Variants in FAR2 observed in about 807,000 individuals in gnomAD.
The protein encoded by FAR2 is epididymis secretory protein Li 81.
Under a neutral mutation model 56.0 loss-of-function variants are expected in FAR2, and 19 were observed. The ratio of observed to expected loss-of-function variants is 0.34; its 90% CI spans 0.24 to 0.50. The LOEUF is 0.50. Among genes scored for constraint, FAR2 ranks in the 20% least tolerant of loss-of-function variants. The pLI is 0.98. For missense variants in FAR2, 508 were observed against 642.2 expected (o/e 0.79, Z 2.26); for synonymous variants, 219 against 218.8 (o/e 1.00, Z -0.01).
chr12:29,322,028 A>G lies in FAR2; in HGVS notation c.1257+104A>G, dbSNP rs1351007068. 8.3e-6 allele frequency: 11 copies of G among 1,329,228 alleles called. No homozygotes were observed. In the Admixed American group the frequency reaches 2.0e-4, roughly 24 times the overall value. 82.3% of individuals were successfully genotyped at this position (1,329,228 alleles called of 1,614,324 possible). A position where few individuals can be genotyped will look rare whatever the true frequency, so the allele number is the denominator to read the frequency against. On this transcript the variant is annotated intron_variant, in intron 10 of 11. Transcript: ENST00000536681. Reference sequence around the variant, plus strand: ...GAATGAATAAGACGTTTGGTTATAGACACAGATTTTGTTTTGCTTTGTTTT... The same window carrying G: ...GAATGAATAAGACGTTTGGTTATAGGCACAGATTTTGTTTTGCTTTGTTTT...
chr12:29,290,370 C>T (rs1256611601), intron 2 of FAR2, among the ~76,000 whole-genome samples: 2 of 151,430 alleles, frequency 1.3e-5, no homozygotes, highest in African/African-American at 4.9e-5. Context: ...CACTTGAACT[C>T]AGAAGGTGAA....
chr12:29,322,362 C>T (rs1949566187), intron 10 of FAR2, among the ~76,000 whole-genome samples: 1 of 152,188 alleles, frequency 6.6e-6, no homozygotes, highest in African/African-American at 2.4e-5. Flanking sequence ...CTGCCTCTCC[C>T]AGCTACAGTT....
intron 4 of FAR2, among the ~76,000 whole-genome samples, chr12:29,298,493 A>T (rs2136762456): frequency 6.6e-6 from 1 of 152,268 alleles, no homozygotes; most frequent in Non-Finnish European, 1.5e-5. Flanking sequence ...GAGAATAGAT[A>T]TTTTTGTCTG....
chr12:29,275,000 A>G (rs552750411), intron 2 of FAR2, among the ~76,000 whole-genome samples: 1,625 of 146,962 alleles, frequency 0.011, 27 homozygotes, highest in African/African-American at 0.038. Context: ...CTGGGAGATC[A>G]ATCCCGTCCT....
intron 1 of FAR2, among the ~76,000 whole-genome samples, chr12:29,203,926 G>A (rs1947446316): frequency 6.7e-6 from 1 of 148,924 alleles, no homozygotes; most frequent in African/African-American, 2.5e-5. Context: ...CGTGAACCTG[G>A]GAGGCGGAGC....
chr12:29,260,905 C>A (rs1399784541), intron 1 of FAR2, among the ~76,000 whole-genome samples: 1 of 152,200 alleles, frequency 6.6e-6, no homozygotes, highest in African/African-American at 2.4e-5. Context: ...ACCTTCATGA[C>A]TGTGCAACAG....
chr12:29,203,868 C>T (rs1221618563), intron 1 of FAR2, among the ~76,000 whole-genome samples: 9 of 151,500 alleles, frequency 5.9e-5, no homozygotes, highest in Non-Finnish European at 7.4e-5. Flanking sequence ...GGCGTGGTGG[C>T]GGGCGCCTGT....
chr12:29,169,141 G>A (rs915552452), intron 1 of FAR2, among the ~76,000 whole-genome samples: 6 of 152,162 alleles, frequency 3.9e-5, no homozygotes, highest in Admixed American at 3.9e-4. Flanking sequence ...CTCGACCCAG[G>A]AAGTCCAGCT....
chr12:29,178,670 GTAAGGCCCA>G (rs1354515323), intron 1 of FAR2, among the ~76,000 whole-genome samples: 1 of 152,170 alleles, frequency 6.6e-6, no homozygotes, highest in Non-Finnish European at 1.5e-5. Context: ...TTCTAATATG[GTAAGGCCCA>G]TGTTCTTTGA....
chr12:29,165,862 A>T (rs1949821788), intron 1 of FAR2, among the ~76,000 whole-genome samples: 1 of 152,224 alleles, frequency 6.6e-6, no homozygotes, highest in African/African-American at 2.4e-5. Context: ...AAGAAAAAAA[A>T]TATAGAACAG....
Position 29,270,397 on chromosome 12 carries a change from T to A in FAR2, c.-38-15T>A. 2.7e-6 allele frequency: 4 copies of A among 1,464,392 alleles called. 1 individual carries two copies. Among genetic ancestry groups the A allele is most frequent in the Admixed American group, 4.4e-5 (2 of 45,814 alleles). 90.7% of individuals were successfully genotyped at this position (1,464,392 alleles called of 1,614,324 possible). Reference sequence around the variant, plus strand: ...TCTGAAGATGTAATCTTTTGTTATTTCTCTTCCTTTTCAGGAACCTCTTTC... The same window carrying A: ...TCTGAAGATGTAATCTTTTGTTATTACTCTTCCTTTTCAGGAACCTCTTTC... On this transcript the variant is annotated splice_polypyrimidine_tract_variant and intron_variant, in intron 1 of 11. Transcript: ENST00000536681.
chr12:29,304,083 G>A (rs1258650815), intron 4 of FAR2, among the ~76,000 whole-genome samples: 1 of 152,114 alleles, frequency 6.6e-6, no homozygotes, highest in Non-Finnish European at 1.5e-5. Context: ...AAACGAGGTT[G>A]GTCAACACTT....
intron 1 of FAR2, among the ~76,000 whole-genome samples, chr12:29,183,206 G>T (rs949213516): frequency 1.3e-5 from 2 of 152,082 alleles, no homozygotes; most frequent in African/African-American, 4.8e-5. Flanking sequence ...TACCTCTGCA[G>T]TTGCTCATTC....
At chr12:29,233,091 A>T (rs10743650) in intron 1 of FAR2, among the ~76,000 whole-genome samples, 97,485 of 151,872 alleles carry the variant, frequency 0.64, 31,429 homozygotes, top group Middle Eastern at 0.7. Flanking sequence ...TGGCTTCAAT[A>T]CCATTTCTAA....
At chr12:29,265,217 A>G (rs1303170603) in intron 1 of FAR2, among the ~76,000 whole-genome samples, 1 of 152,234 alleles carries the variant, frequency 6.6e-6, no homozygotes, top group Non-Finnish European at 1.5e-5. Flanking sequence ...CAGATCTGCC[A>G]AAGCTATCCT....
intron 1 of FAR2, among the ~76,000 whole-genome samples, chr12:29,175,432 C>T (rs1338188023): frequency 6.6e-6 from 1 of 152,162 alleles, no homozygotes; most frequent in Non-Finnish European, 1.5e-5. Context: ...AGTGTTACAG[C>T]TCTTAAAGGT....
chr12:29,249,589 A>G (rs1172568827), intron 1 of FAR2, among the ~76,000 whole-genome samples: 1 of 152,220 alleles, frequency 6.6e-6, no homozygotes, highest in African/African-American at 2.4e-5. Flanking sequence ...CATAGTAAAT[A>G]GGTAGAAGTT....
intron 10 of FAR2, among the ~76,000 whole-genome samples, chr12:29,325,819 C>T (rs1949634387): frequency 6.6e-6 from 1 of 151,754 alleles, no homozygotes; most frequent in Admixed American, 6.6e-5. Context: ...AAATTGACAC[C>T]CTAACATCAC....
At chr12:29,203,041 G>A (rs1192944341) in intron 1 of FAR2, among the ~76,000 whole-genome samples, 7 of 152,138 alleles carry the variant, frequency 4.6e-5, no homozygotes, top group African/African-American at 1.7e-4. Flanking sequence ...GAAGATGGAT[G>A]CTATTTTGGT....
Sources: allele counts gnomAD v4.1 joint callset (sites outside exome capture counted in the v4.1 genomes callset), GRCh38; gene constraint gnomAD v4.1.1; transcripts MANE v1.5; gene names NCBI Gene and HGNC (gene_info 2026-07-23, HGNC 2026-07-21).